Variants in UNC13C observed in about 807,000 individuals in gnomAD.
The protein encoded by UNC13C is protein unc-13 homolog C.
In UNC13C, 174 loss-of-function variants were observed where a neutral mutation model predicts 245.4. The observed-to-expected ratio is 0.71, with a 90% confidence interval of 0.63 to 0.80. The LOEUF (loss-of-function observed/expected upper bound fraction) is 0.80, where lower values mean the gene tolerates loss of function less well. Ranked by LOEUF, UNC13C falls within the 30% of genes least tolerant of loss-of-function variation. The pLI, the probability that UNC13C is intolerant of heterozygous loss-of-function variation, is 0.00. For synonymous variants in UNC13C, 992 were observed against 895.1 expected (o/e 1.11, Z -1.93); for missense variants, 2,829 against 2,602.9 (o/e 1.09, Z -1.89).
At chr15:54,259,489 A>G (rs2036367530) in intron 8 of UNC13C, among the ~76,000 whole-genome samples, 1 of 152,178 alleles carries the variant, frequency 6.6e-6, no homozygotes. Flanking sequence ...CCCTTATAAA[A>G]CCATCAGATC....
chr15:54,005,714 C>A (rs572930224), intron 1 of UNC13C, among the ~76,000 whole-genome samples: 1 of 152,134 alleles, frequency 6.6e-6, no homozygotes, highest in African/African-American at 2.4e-5. Context: ...ACATGAGTCT[C>A]GATTTCTCAT....
At chr15:54,423,660 A>C (rs537445165) in intron 19 of UNC13C, among the ~76,000 whole-genome samples, 1 of 152,084 alleles carries the variant, frequency 6.6e-6, no homozygotes, top group Admixed American at 6.6e-5. Context: ...CAGAAGGAAA[A>C]ATATAGTAAG....
intron 13 of UNC13C, among the ~76,000 whole-genome samples, chr15:54,309,858 T>C (rs1360096288): frequency 6.6e-6 from 1 of 151,850 alleles, no homozygotes; most frequent in Non-Finnish European, 1.5e-5. Context: ...AATCTATGTG[T>C]CTATTTTTAT....
At chr15:54,315,984 C>G (rs911159330) in intron 13 of UNC13C, among the ~76,000 whole-genome samples, 2 of 151,804 alleles carry the variant, frequency 1.3e-5, no homozygotes, top group Non-Finnish European at 2.9e-5. Context: ...CCTAATTGGA[C>G]TCTTTACTTT....
At chr15:54,558,400 A>G (rs1412389794) in intron 29 of UNC13C, among the ~76,000 whole-genome samples, 1 of 152,008 alleles carries the variant, frequency 6.6e-6, no homozygotes, top group Non-Finnish European at 1.5e-5. Context: ...CCTTGCTTCT[A>G]TGTCACATTT....
rs556131747 is a variant in UNC13C, at chr15:54,340,937, T to C, written c.4713+2448T>C. Among the ~76,000 whole-genome samples the C allele has an allele frequency of 2.0e-5, 3 of 152,260 alleles. No homozygotes were observed. In the South Asian group the frequency reaches 6.2e-4, roughly 32 times the overall value. On this transcript the variant is annotated intron_variant, in intron 17 of 32. Coordinates refer to ENST00000260323, the MANE Select transcript of UNC13C (RefSeq NM_001080534.3). ...CCATAAACATTCAGAATGGCTATTA[T>C]TAAAACATCAAAAAACAATACATGC...
chr15:54,160,161 A>G (rs1213386364), intron 4 of UNC13C, among the ~76,000 whole-genome samples: 1 of 152,054 alleles, frequency 6.6e-6, no homozygotes, highest in Non-Finnish European at 1.5e-5. Context: ...TAATGATGCT[A>G]GCTTTAAGCA....
chr15:53,977,676 A>G (rs1893754359), upstream of UNC13C, among the ~76,000 whole-genome samples: 1 of 152,210 alleles, frequency 6.6e-6, no homozygotes, highest in Non-Finnish European at 1.5e-5. Flanking sequence ...TATTTGTTTC[A>G]ACAGGAGGAT....
chr15:53,941,958 G>T, the UNC13C span, among the ~76,000 whole-genome samples: 35 of 152,298 alleles, frequency 2.3e-4, no homozygotes, highest in East Asian at 6.4e-3. Context: ...TTGTTGGTGG[G>T]AGTGTAAATT....
At chr15:54,177,073 A>T (rs1227640413) in intron 4 of UNC13C, among the ~76,000 whole-genome samples, 6 of 152,056 alleles carry the variant, frequency 3.9e-5, no homozygotes. Flanking sequence ...AAATCTGAAA[A>T]CCTAAAGTGT....
chr15:53,957,867 G>A, the UNC13C span, among the ~76,000 whole-genome samples: 1 of 152,198 alleles, frequency 6.6e-6, no homozygotes, highest in African/African-American at 2.4e-5. Flanking sequence ...CTGTCCCCAG[G>A]AGCTCATAGT....
intron 30 of UNC13C, among the ~76,000 whole-genome samples, chr15:54,613,604 G>C (rs761331008): frequency 2.0e-4 from 30 of 151,892 alleles, no homozygotes; most frequent in Admixed American, 5.3e-4. Flanking sequence ...CTGAATTCAT[G>C]ATAATGGAGA....
intron 25 of UNC13C, among the ~76,000 whole-genome samples, chr15:54,532,261 A>G (rs914966641): frequency 1.3e-5 from 2 of 152,168 alleles, no homozygotes; most frequent in East Asian, 1.9e-4. Context: ...ATTGTGGAAG[A>G]CAGTGTGGCA....
At chr15:54,101,139 G>GT (rs1008440048) in intron 2 of UNC13C, among the ~76,000 whole-genome samples, 34 of 151,842 alleles carry the variant, frequency 2.2e-4, no homozygotes, top group South Asian at 1.0e-3. Context: ...TTTATGATGA[G>GT]TTTTTTTTAA....
intron 17 of UNC13C, among the ~76,000 whole-genome samples, chr15:54,368,331 TTCCCATAGG>T (rs1404765977): frequency 6.6e-6 from 1 of 152,152 alleles, no homozygotes; most frequent in African/African-American, 2.4e-5. Context: ...TTCTTTTCCT[TTCCCATAGG>T]AGCCTTTTAA....
chr15:54,442,049 G>T (rs1890555123), intron 19 of UNC13C, among the ~76,000 whole-genome samples: 1 of 151,746 alleles, frequency 6.6e-6, no homozygotes, highest in Admixed American at 6.6e-5. Flanking sequence ...ATTAATTTGT[G>T]TATACATTTT....
intron 2 of UNC13C, among the ~76,000 whole-genome samples, chr15:54,020,399 C>T (rs1418862775): frequency 4.7e-5 from 7 of 150,000 alleles, no homozygotes; most frequent in East Asian, 3.9e-4. Flanking sequence ...CTCAGCCTCC[C>T]GAGTAGCTGA....
chr15:53,862,319 A>C, the UNC13C span, among the ~76,000 whole-genome samples: 1 of 152,156 alleles, frequency 6.6e-6, no homozygotes, highest in Admixed American at 6.5e-5. Flanking sequence ...AGACAGACTC[A>C]AAATTACAAG....
chr15:54,305,355 T>A (rs2140953985), intron 13 of UNC13C, among the ~76,000 whole-genome samples: 1 of 152,204 alleles, frequency 6.6e-6, no homozygotes, highest in East Asian at 1.9e-4. Context: ...TTTAAAAATT[T>A]GAGGAAGTTT....
Sources: gnomAD v4.1 joint callset for allele counts (sites outside exome capture counted in the v4.1 genomes callset) on GRCh38, gnomAD v4.1.1 for gene constraint, MANE v1.5 for transcripts, NCBI Gene and HGNC (gene_info 2026-07-23, HGNC 2026-07-21) for gene names.